KCNQ5: variants seen among roughly 807,000 people sequenced by gnomAD.
KCNQ5 encodes the protein potassium voltage-gated channel subfamily KQT member 5.
KCNQ5 carries 30 observed loss-of-function variants against 98.2 expected under a neutral mutation model. The ratio of observed to expected loss-of-function variants is 0.31; its 90% confidence interval spans 0.23 to 0.41. The LOEUF (loss-of-function observed/expected upper bound fraction) is 0.41. Among genes scored for constraint, KCNQ5 ranks in the 10% least tolerant of loss-of-function variants. KCNQ5 has a pLI of 1.00. For missense variants in KCNQ5, 835 were observed against 1,182.5 expected (o/e 0.71, Z 4.31); for synonymous variants, 458 against 449.4 (o/e 1.02, Z -0.24).
At position 73,040,574 on chromosome 6, in the gene KCNQ5, T is replaced by C. The variant is rs145956827; in HGVS notation, c.490-1362T>C. The stretch of plus-strand genomic sequence containing the variant: ...AACCTTCGGATTATTAATGAATGTA[T>C]GTTGACCCTAATTTTGGTTATCTGT... On this transcript the variant is annotated intron_variant, in intron 2 of 13. Coordinates refer to ENST00000370398, the MANE Select transcript of KCNQ5 (RefSeq NM_019842.4). Among the ~76,000 whole-genome samples, 490 of 152,326 alleles carry C rather than the reference T, an allele frequency of 3.2e-3. 2 individuals carry two copies. The highest frequency in any genetic ancestry group is 0.011 in the African/African-American group (466 of 41,580).
At chr6:72,665,115 C>T (rs948991774) in intron 1 of KCNQ5, among the ~76,000 whole-genome samples, 6 of 152,030 alleles carry the variant, frequency 3.9e-5, no homozygotes, top group South Asian at 2.1e-4. Flanking sequence ...TGGGAGGCCA[C>T]GGTAGGTGTA....
chr6:72,931,058 C>T (rs1765672768), intron 1 of KCNQ5, among the ~76,000 whole-genome samples: 1 of 152,158 alleles, frequency 6.6e-6, no homozygotes, highest in South Asian at 2.1e-4. Context: ...AATTGAGCTA[C>T]AGTTTCATAT....
intron 1 of KCNQ5, among the ~76,000 whole-genome samples, chr6:72,835,088 G>A (rs1776443021): frequency 6.6e-6 from 1 of 152,008 alleles, no homozygotes; most frequent in Admixed American, 6.6e-5. Context: ...TTTACAAGCA[G>A]GGTACAACAT....
chr6:73,152,215 T>C (rs979340742), intron 10 of KCNQ5, among the ~76,000 whole-genome samples: 2 of 152,180 alleles, frequency 1.3e-5, no homozygotes, highest in African/African-American at 4.8e-5. Flanking sequence ...GGTTTTTTTT[T>C]TCTCCCTTCA....
intron 1 of KCNQ5, among the ~76,000 whole-genome samples, chr6:72,852,640 AATATATATAT>A (rs140435793): frequency 5.3e-5 from 3 of 56,800 alleles, no homozygotes; most frequent in African/African-American, 1.8e-4. Flanking sequence ...ATGAAGGGGA[AATATATATAT>A]ATATATATAT....
At chr6:73,051,486 T>G (rs182007560) in intron 3 of KCNQ5, among the ~76,000 whole-genome samples, 6 of 152,160 alleles carry the variant, frequency 3.9e-5, no homozygotes, top group Middle Eastern at 3.4e-3. Context: ...TGGCCAGAGG[T>G]GCAGGAACAC....
chr6:72,688,199 C>T (rs1176193975), intron 1 of KCNQ5, among the ~76,000 whole-genome samples: 1 of 152,176 alleles, frequency 6.6e-6, no homozygotes, highest in Non-Finnish European at 1.5e-5. Flanking sequence ...AGAGTTTACA[C>T]TTTATTTGAA....
chr6:73,130,122 T>G (rs1776165925), intron 9 of KCNQ5, among the ~76,000 whole-genome samples: 1 of 152,264 alleles, frequency 6.6e-6, no homozygotes, highest in Non-Finnish European at 1.5e-5. Context: ...ACTGCTGAGC[T>G]GCTGCACGCA....
chr6:72,735,955 ATG>A (rs1173456457), intron 1 of KCNQ5, among the ~76,000 whole-genome samples: 2 of 152,148 alleles, frequency 1.3e-5, no homozygotes, highest in Non-Finnish European at 2.9e-5. Context: ...TTATGGCAGA[ATG>A]TGTATAGCTA....
At chr6:73,122,081 C>A (rs749713946) in intron 8 of KCNQ5, among the ~76,000 whole-genome samples, 7 of 152,132 alleles carry the variant, frequency 4.6e-5, no homozygotes, top group Non-Finnish European at 1.0e-4. Flanking sequence ...GAGTTTAAGA[C>A]CCTTTCAACA....
intron 1 of KCNQ5, among the ~76,000 whole-genome samples, chr6:72,714,376 A>G (rs1183356764): frequency 6.6e-6 from 1 of 152,088 alleles, no homozygotes. Context: ...ATCTGTAGCA[A>G]TGGAGGAGCT....
chr6:73,053,736 C>T lies in KCNQ5; in HGVS notation c.616+11674C>T, dbSNP rs547442980. Among the ~76,000 whole-genome samples, 8 of 152,150 alleles carry T rather than the reference C, an allele frequency of 5.3e-5. 1 individual carries two copies. The East Asian group carries it at 1.4e-3, about 26-fold the overall frequency. On this transcript the variant is annotated intron_variant, in intron 3 of 13. Transcript: ENST00000370398. Reference sequence around the variant, plus strand: ...GGAAGTTTATAGAGCTGAATGCCTACATCAAAAAGTTAGAAAGATCTTAAG... The same window carrying T: ...GGAAGTTTATAGAGCTGAATGCCTATATCAAAAAGTTAGAAAGATCTTAAG...
At position 73,059,556 on chromosome 6, in the gene KCNQ5, C is replaced by G. The variant is rs747276299; in HGVS notation, c.616+17494C>G. On this transcript the variant is annotated intron_variant, in intron 3 of 13. Coordinates refer to ENST00000370398, the MANE Select transcript of KCNQ5 (RefSeq NM_019842.4). Reference sequence around the variant, plus strand: ...ACAAACCTGCACATGTACCACAGAACCTGAAATAAAAGTTTAAAAATAAAT... The same window carrying G: ...ACAAACCTGCACATGTACCACAGAAGCTGAAATAAAAGTTTAAAAATAAAT... 1.2e-4 allele frequency among the ~76,000 whole-genome samples: 19 copies of G among 152,088 alleles called. No homozygotes were observed. In the Middle Eastern group the frequency reaches 0.01, roughly 82 times the overall value.
At chr6:73,192,047 A>G (rs1159886502) in intron 12 of KCNQ5, among the ~76,000 whole-genome samples, 3 of 152,224 alleles carry the variant, frequency 2.0e-5, no homozygotes, top group African/African-American at 7.2e-5. Flanking sequence ...AACTGTCTAC[A>G]GCTCCCAAGG....
intron 12 of KCNQ5, among the ~76,000 whole-genome samples, chr6:73,191,971 AC>A (rs1765606518): frequency 6.6e-6 from 1 of 152,212 alleles, no homozygotes; most frequent in Non-Finnish European, 1.5e-5. Context: ...CTGTAACATG[AC>A]CAGAGATTGT....
At chr6:72,685,357 A>G (rs1767897439) in intron 1 of KCNQ5, among the ~76,000 whole-genome samples, 1 of 152,248 alleles carries the variant, frequency 6.6e-6, no homozygotes, top group Non-Finnish European at 1.5e-5. Context: ...TAACAAAACT[A>G]TATGCATTCC....
At chr6:72,785,012 A>G (rs145332343) in intron 1 of KCNQ5, among the ~76,000 whole-genome samples, 1 of 152,344 alleles carries the variant, frequency 6.6e-6, no homozygotes, top group Non-Finnish European at 1.5e-5. Flanking sequence ...ATGATCAAAG[A>G]TTATGCAGCC....
At chr6:73,043,209 C>A in intron 3 of KCNQ5, 1 of 375,510 alleles carries the variant, frequency 2.7e-6, no homozygotes, top group Non-Finnish European at 5.7e-6. Context: ...ATACTTCTTT[C>A]ATAGTATGCA....
intron 1 of KCNQ5, among the ~76,000 whole-genome samples, chr6:72,639,706 A>G (rs2098926174): frequency 6.6e-6 from 1 of 152,168 alleles, no homozygotes; most frequent in Non-Finnish European, 1.5e-5. Context: ...TAATGCACCA[A>G]ACGGTGCTTG....
Sources: allele counts gnomAD v4.1 joint callset (sites outside exome capture counted in the v4.1 genomes callset), GRCh38; gene constraint gnomAD v4.1.1; transcripts MANE v1.5; gene names NCBI Gene and HGNC (gene_info 2026-07-23, HGNC 2026-07-21).